The following CCDC85A variants were observed in gnomAD, a reference collection of about 807,000 sequenced individuals.
The protein encoded by CCDC85A is coiled-coil domain-containing protein 85A.
In CCDC85A, 38 loss-of-function variants were observed where a neutral mutation model predicts 50.2. The observed-to-expected ratio is 0.76, with a 90% confidence interval of 0.58 to 0.99. The LOEUF (loss-of-function observed/expected upper bound fraction) is 0.99. CCDC85A is among the 50% of genes least tolerant of loss of function. The pLI is 0.00. For missense variants in CCDC85A, 820 were observed against 742.0 expected, an observed-to-expected ratio of 1.11 and a Z score of -1.22; for synonymous variants, 366 against 301.4, an observed-to-expected ratio of 1.21 and a Z score of -2.22.
Position 56,196,884 on chromosome 2 carries a change from C to CA in CCDC85A, c.1240+3462dup, listed in dbSNP as rs11301097. The stretch of plus-strand genomic sequence containing the variant: ...CATTATCTTCTTTCTTCTTCGTCTT[C>CA]AAAAAAAAAAAAAAAAAAGGAATTG... On this transcript the variant is annotated intron_variant, in intron 2 of 5. Coordinates refer to ENST00000407595, the MANE Select transcript of CCDC85A (RefSeq NM_001080433.2). 8.7e-3 allele frequency among the ~76,000 whole-genome samples: 1,136 copies of CA among 131,144 alleles called. 10 individuals are homozygous for CA. The highest frequency in any genetic ancestry group is 0.028 in the African/African-American group (966 of 34,818). 86.0% of individuals were successfully genotyped at this position (131,144 alleles called of 152,430 possible).
chr2:56,262,309 GT>G (rs34508748), intron 2 of CCDC85A, among the ~76,000 whole-genome samples: 26,795 of 152,102 alleles, frequency 0.18, 3,098 homozygotes, highest in Non-Finnish European at 0.27. Context: ...ATGAATAGGA[GT>G]GCATCAGATG....
chr2:56,338,896 T>C (rs1372811375), intron 2 of CCDC85A, among the ~76,000 whole-genome samples: 1 of 152,154 alleles, frequency 6.6e-6, no homozygotes, highest in Non-Finnish European at 1.5e-5. Context: ...AGTTTCTTTC[T>C]GAATGAAACA....
chr2:56,200,693 C>T (rs1007270332), intron 2 of CCDC85A, among the ~76,000 whole-genome samples: 3 of 152,118 alleles, frequency 2.0e-5, no homozygotes, highest in Non-Finnish European at 1.5e-5. Flanking sequence ...GTTACATTGT[C>T]ATTCTTATAA....
intron 2 of CCDC85A, among the ~76,000 whole-genome samples, chr2:56,266,461 G>A (rs1350151893): frequency 6.6e-6 from 1 of 151,706 alleles, no homozygotes; most frequent in African/African-American, 2.4e-5. Flanking sequence ...GAAACGATAA[G>A]TATCAGAGGT....
intron 2 of CCDC85A, among the ~76,000 whole-genome samples, chr2:56,331,394 A>G (rs1673783182): frequency 6.6e-6 from 1 of 152,212 alleles, no homozygotes; most frequent in African/African-American, 2.4e-5. Context: ...CCCAGAATTA[A>G]AATAAAATTA....
At chr2:56,266,267 G>A (rs1192097899) in intron 2 of CCDC85A, among the ~76,000 whole-genome samples, 1 of 152,108 alleles carries the variant, frequency 6.6e-6, no homozygotes, top group Non-Finnish European at 1.5e-5. Context: ...AATGTATTGT[G>A]TATTTCAAAC....
chr2:56,269,362 T>TGTGTGTGTGTGTGTGTGTGTGTGTGTG (rs1670599138), intron 2 of CCDC85A, among the ~76,000 whole-genome samples: 1 of 150,182 alleles, frequency 6.7e-6, no homozygotes, highest in Non-Finnish European at 1.5e-5. Flanking sequence ...TGTGTGTGTG[T>TGTGTGTGTGTGTGTGTGTGTGTGTGTG]TTGAAGGAGG....
chr2:56,283,798 T>C (rs541742993), intron 2 of CCDC85A, among the ~76,000 whole-genome samples: 1 of 152,286 alleles, frequency 6.6e-6, no homozygotes, highest in East Asian at 1.9e-4. Context: ...TAGTAGTTTG[T>C]CAATTTCACT....
chr2:56,234,309 G>A (rs2103946184), intron 2 of CCDC85A, among the ~76,000 whole-genome samples: 1 of 152,084 alleles, frequency 6.6e-6, no homozygotes, highest in East Asian at 1.9e-4. Flanking sequence ...CTTTTCACTG[G>A]GCTTTTGGAG....
At chr2:56,209,583 T>C (rs115576399) in intron 2 of CCDC85A, among the ~76,000 whole-genome samples, 180 of 152,164 alleles carry the variant, frequency 1.2e-3, no homozygotes, top group African/African-American at 4.3e-3. Context: ...GTTGTATGGA[T>C]AGGTCTGCAT....
intron 2 of CCDC85A, among the ~76,000 whole-genome samples, chr2:56,234,574 T>C (rs1668920173): frequency 6.6e-6 from 1 of 152,208 alleles, no homozygotes. Flanking sequence ...TCGATTCATC[T>C]TGCAACTCCT....
chr2:56,361,705 A>G (rs1219585133), intron 3 of CCDC85A, among the ~76,000 whole-genome samples: 1 of 152,190 alleles, frequency 6.6e-6, no homozygotes, highest in East Asian at 1.9e-4. Context: ...GGAGAATAAA[A>G]TGAGATGAAG....
intron 2 of CCDC85A, among the ~76,000 whole-genome samples, chr2:56,273,072 G>C (rs1558617192): frequency 6.6e-6 from 1 of 152,108 alleles, no homozygotes; most frequent in African/African-American, 2.4e-5. Flanking sequence ...TTAAGTAACA[G>C]TTAAGAGGTC....
At chr2:56,208,206 G>A (rs1677030217) in intron 2 of CCDC85A, among the ~76,000 whole-genome samples, 1 of 151,232 alleles carries the variant, frequency 6.6e-6, no homozygotes, top group South Asian at 2.1e-4. Flanking sequence ...TCAATTCTGA[G>A]TTCTTATAAG....
At chr2:56,289,050 G>A (rs1171083473) in intron 2 of CCDC85A, among the ~76,000 whole-genome samples, 1 of 152,162 alleles carries the variant, frequency 6.6e-6, no homozygotes, top group Non-Finnish European at 1.5e-5. Flanking sequence ...GACCTGGAGT[G>A]CTGACCCGGG....
At chr2:56,305,561 C>T (rs1255931292) in intron 2 of CCDC85A, among the ~76,000 whole-genome samples, 2 of 152,248 alleles carry the variant, frequency 1.3e-5, no homozygotes, top group Non-Finnish European at 2.9e-5. Flanking sequence ...AAGGCAAGGG[C>T]ACAGCCCATA....
chr2:56,339,744 G>T (rs868268052), intron 2 of CCDC85A, among the ~76,000 whole-genome samples: 17 of 150,148 alleles, frequency 1.1e-4, no homozygotes, highest in East Asian at 3.9e-4. Flanking sequence ...TTATCAAGTG[G>T]TTTTTTTTTT....
intron 2 of CCDC85A, among the ~76,000 whole-genome samples, chr2:56,241,563 C>T (rs1043230387): frequency 1.3e-5 from 2 of 152,114 alleles, no homozygotes; most frequent in Non-Finnish European, 2.9e-5. Context: ...TTAGCTCCCA[C>T]AAATAAGTGA....
At chr2:56,329,049 C>A (rs1673624901) in intron 2 of CCDC85A, among the ~76,000 whole-genome samples, 1 of 152,180 alleles carries the variant, frequency 6.6e-6, no homozygotes, top group African/African-American at 2.4e-5. Flanking sequence ...TTTACTGATG[C>A]CCTGGGACTT....
Sources: allele counts gnomAD v4.1 joint callset (sites outside exome capture counted in the v4.1 genomes callset), GRCh38; gene constraint gnomAD v4.1.1; transcripts MANE v1.5; gene names NCBI Gene and HGNC (gene_info 2026-07-23, HGNC 2026-07-21).